PALLD: variants seen among roughly 807,000 people sequenced by gnomAD.
PALLD encodes palladin.
PALLD carries 61 observed loss-of-function variants against 123.5 expected under a neutral mutation model. The observed-to-expected ratio is 0.49, with a 90% CI of 0.40 to 0.61. PALLD has a LOEUF of 0.61. PALLD is among the 20% of genes least tolerant of loss of function. The pLI, the probability that PALLD is intolerant of heterozygous loss-of-function variation, is 0.00. For synonymous variants in PALLD, 465 were observed against 496.4 expected, an observed-to-expected ratio of 0.94 and a Z score of 0.84; for missense variants, 1,273 against 1,377.0, an observed-to-expected ratio of 0.92 and a Z score of 1.20.
chr4:168,607,420 G>A (rs923048706), intron 2 of PALLD, among the ~76,000 whole-genome samples: 5 of 152,092 alleles, frequency 3.3e-5, no homozygotes, highest in South Asian at 2.1e-4. Context: ...TAATTTTGTC[G>A]ACTCATGTAA....
intron 3 of PALLD, among the ~76,000 whole-genome samples, chr4:168,669,309 T>G (rs1779949107): frequency 6.6e-6 from 1 of 152,332 alleles, no homozygotes; most frequent in East Asian, 1.9e-4. Flanking sequence ...CTCATGCCTG[T>G]AATCCCAGCA....
chr4:168,854,715 G>A (rs1020868508), intron 10 of PALLD, among the ~76,000 whole-genome samples: 2 of 152,134 alleles, frequency 1.3e-5, no homozygotes, highest in African/African-American at 4.8e-5. Context: ...ATATAGTAAC[G>A]ACCTTACATA....
chr4:168,552,626 A>G (rs1443157297), intron 2 of PALLD, among the ~76,000 whole-genome samples: 1 of 152,020 alleles, frequency 6.6e-6, no homozygotes, highest in Non-Finnish European at 1.5e-5. Flanking sequence ...ATATATTCCT[A>G]TGTATTTAAT....
At chr4:168,499,245 G>C (rs1166950699) in intron 1 of PALLD, among the ~76,000 whole-genome samples, 2 of 112,160 alleles carry the variant, frequency 1.8e-5, no homozygotes, top group South Asian at 6.6e-4. Context: ...AGAAGGAAGG[G>C]AGAAGGGAGG....
chr4:168,827,564 C>T (rs1425680527), intron 10 of PALLD, among the ~76,000 whole-genome samples: 1 of 152,186 alleles, frequency 6.6e-6, no homozygotes, highest in Non-Finnish European at 1.5e-5. Flanking sequence ...CCAAACATAA[C>T]ATTACTATGA....
intron 10 of PALLD, among the ~76,000 whole-genome samples, chr4:168,741,050 C>T (rs17614439): frequency 0.1 from 15,966 of 152,134 alleles, 843 homozygotes; most frequent in South Asian, 0.13. Flanking sequence ...AAGTGTAATA[C>T]GGGCTTGATT....
intron 3 of PALLD, among the ~76,000 whole-genome samples, chr4:168,674,123 C>T (rs2723711): frequency 0.34 from 51,065 of 151,896 alleles, 9,113 homozygotes; most frequent in African/African-American, 0.47. Flanking sequence ...CCATGGTGGC[C>T]AGGCTGGTCT....
chr4:168,715,063 G>A (rs959244691), intron 10 of PALLD, among the ~76,000 whole-genome samples: 13 of 151,986 alleles, frequency 8.6e-5, no homozygotes, highest in African/African-American at 1.9e-4. Flanking sequence ...AGCCGAGTCT[G>A]TGGTACCGCT....
chr4:168,540,072 G>T (rs941010465), intron 2 of PALLD, among the ~76,000 whole-genome samples: 2 of 151,890 alleles, frequency 1.3e-5, no homozygotes, highest in African/African-American at 4.8e-5. Context: ...AGACCTTAAA[G>T]GCACCTGAAG....
chr4:168,714,563 C>T (rs990131408), intron 10 of PALLD, among the ~76,000 whole-genome samples: 3 of 152,070 alleles, frequency 2.0e-5, no homozygotes, highest in Admixed American at 6.5e-5. Flanking sequence ...TCTTTTCATA[C>T]ATTGTGGGAA....
intron 2 of PALLD, among the ~76,000 whole-genome samples, chr4:168,539,806 T>G (rs1561224813): frequency 6.6e-6 from 1 of 152,146 alleles, no homozygotes; most frequent in Non-Finnish European, 1.5e-5. Flanking sequence ...TTTATTTTAT[T>G]TTTTTAAATA....
At chr4:168,736,650 G>A (rs1014257392) in intron 10 of PALLD, among the ~76,000 whole-genome samples, 1 of 152,184 alleles carries the variant, frequency 6.6e-6, no homozygotes, top group Admixed American at 6.5e-5. Flanking sequence ...ACTTGCAGAA[G>A]GCCCTAGGTG....
At chr4:168,611,080 A>G (rs1299276633) in intron 2 of PALLD, among the ~76,000 whole-genome samples, 1 of 152,194 alleles carries the variant, frequency 6.6e-6, no homozygotes, top group Non-Finnish European at 1.5e-5. Context: ...ATGATTACAT[A>G]CCAGGAGGCT....
At chr4:168,853,388 C>G (rs1217744818) in intron 10 of PALLD, among the ~76,000 whole-genome samples, 2 of 152,130 alleles carry the variant, frequency 1.3e-5, no homozygotes, top group African/African-American at 2.4e-5. Flanking sequence ...TCGCATTTTA[C>G]CAAAGCTAGA....
In PALLD at chr4:168,511,948, C is replaced by T. The variant is rs1025529475; in HGVS notation, c.444C>T (p.Pro148=). 2 of 1,614,088 alleles carry T rather than the reference C, an allele frequency of 1.2e-6. No homozygotes were observed. The highest frequency in any genetic ancestry group is 1.7e-6 in the Non-Finnish European group (2 of 1,180,052). The change falls in exon 2 of 22, where the codon CCC becomes CCT. Residue 148 remains proline, a synonymous_variant. Coordinates refer to ENST00000505667, the MANE Select transcript of PALLD (RefSeq NM_001166108.2). ...CTGAAAAGCGTGGTGCAAAAACTCC[C>T]AGCACAAACGTAAAGCCCAAAACGC... ...RKAEKRGAKT[P]STNVKPKTPH...
At chr4:168,708,909 A>C in intron 8 of PALLD, 119 bp from the exon 9 acceptor site, 1 of 915,204 alleles carries the variant, frequency 1.1e-6, no homozygotes, top group Non-Finnish European at 1.8e-6. Flanking sequence ...ACTTTTGTAA[A>C]GTGAATCTGT....
chr4:168,905,790 C>CTTTTTTTTTTTTT (rs59427697), intron 15 of PALLD, among the ~76,000 whole-genome samples: 115 of 113,126 alleles, frequency 1.0e-3, no homozygotes, highest in South Asian at 1.2e-3. Flanking sequence ...GCTTTTTTTT[C>CTTTTTTTTTTTTT]TTTTTTTTTT....
chr4:168,521,608 C>T (rs72697206), intron 2 of PALLD, among the ~76,000 whole-genome samples: 3 of 152,118 alleles, frequency 2.0e-5, no homozygotes, highest in Admixed American at 6.5e-5. Context: ...TTTTCAAAAA[C>T]CTTTGACTCT....
At chr4:168,845,408 C>T (rs1302438552) in intron 10 of PALLD, among the ~76,000 whole-genome samples, 1 of 151,822 alleles carries the variant, frequency 6.6e-6, no homozygotes, top group Non-Finnish European at 1.5e-5. Context: ...TAACCAACCA[C>T]AGATCAAAAA....
Sources: allele counts gnomAD v4.1 joint callset (sites outside exome capture counted in the v4.1 genomes callset), GRCh38; gene constraint gnomAD v4.1.1; transcripts MANE v1.5; gene names NCBI Gene and HGNC (gene_info 2026-07-23, HGNC 2026-07-21).